VXN: variants seen among roughly 807,000 people sequenced by gnomAD.
VXN encodes uncharacterized protein C8orf46.
A neutral mutation model predicts 23.1 loss-of-function variants in VXN; 7 were observed. The ratio of observed to expected loss-of-function variants is 0.30; its 90% CI spans 0.17 to 0.57. The LOEUF (loss-of-function observed/expected upper bound fraction) is 0.57, where lower values mean the gene tolerates loss of function less well. Among genes scored for constraint, VXN ranks in the 20% least tolerant of loss-of-function variants. VXN has a pLI of 0.91. For missense variants in VXN, 238 were observed against 272.6 expected (o/e 0.87, Z 0.89); for synonymous variants, 120 against 105.8 (o/e 1.13, Z -0.83).
chr8:66,507,397 C>T (rs974884699), intron 3 of VXN, among the ~76,000 whole-genome samples: 11 of 152,214 alleles, frequency 7.2e-5, no homozygotes, highest in African/African-American at 2.7e-4. Context: ...GCCCCTCTGC[C>T]AATTTCCAGA....
At chr8:66,500,559 T>C (rs1010776380) in intron 2 of VXN, among the ~76,000 whole-genome samples, 2 of 152,312 alleles carry the variant, frequency 1.3e-5, no homozygotes, top group Non-Finnish European at 2.9e-5. Flanking sequence ...TTAGGGGGTA[T>C]GTGTGCAGGT....
At chr8:66,500,593 A>G (rs1299774027) in intron 2 of VXN, among the ~76,000 whole-genome samples, 1 of 152,082 alleles carries the variant, frequency 6.6e-6, no homozygotes, top group Non-Finnish European at 1.5e-5. Context: ...ATATTGCATG[A>G]TGCTGAGGTT....
intron 2 of VXN, 57 bp from the exon 3 acceptor site, chr8:66,505,318 A>C: frequency 6.4e-7 from 1 of 1,554,688 alleles, no homozygotes; most frequent in Non-Finnish European, 8.7e-7. Flanking sequence ...CTGGGGTTCC[A>C]TGGGTCCCTA....
At position 66,516,036 on chromosome 8, in the gene VXN, A is replaced by G. The variant is rs1807886102; in HGVS notation, c.584A>G (p.Glu195Gly). ...TGGACAAGGCACAAGAAGAAGTCTGAATATGTGGGAGCCACCAACAGCGCC... is the reference window on the plus strand; with the variant it reads ...TGGACAAGGCACAAGAAGAAGTCTGGATATGTGGGAGCCACCAACAGCGCC... ...KMWTRHKKKS[E>G]YVGATNSAFE... Residue 195 changes from glutamate to glycine, a missense_variant, in exon 6 of 6, where the codon GAA (glutamate) becomes GGA (glycine). Physicochemically the swap from Glu to Gly is moderately conservative, Grantham distance 98. Coordinates refer to ENST00000305454, the MANE Select transcript of VXN (RefSeq NM_152765.4). The G allele has an allele frequency of 1.2e-6, 2 of 1,613,206 alleles. No individual in the cohort carries two copies. The highest frequency in any genetic ancestry group is 2.2e-5 in the East Asian group (1 of 44,830).
intron 5 of VXN, among the ~76,000 whole-genome samples, chr8:66,515,526 T>C (rs1340492566): frequency 2.6e-5 from 4 of 152,200 alleles, no homozygotes; most frequent in African/African-American, 9.6e-5. Context: ...ATCCCAGACC[T>C]CATGCTCTTT....
intron 3 of VXN, among the ~76,000 whole-genome samples, chr8:66,506,232 AGT>A (rs61613088): frequency 0.18 from 25,295 of 140,002 alleles, 2,208 homozygotes; most frequent in African/African-American, 0.22. Context: ...AGAGAGAGAC[AGT>A]GTGTGTGTGT....
Position 66,505,312 on chromosome 8 carries a change from G to T in VXN, c.127-63G>T, listed in dbSNP as rs1586518915. On this transcript the variant is annotated intron_variant, in intron 2 of 5. Coordinates refer to ENST00000305454, the MANE Select transcript of VXN (RefSeq NM_152765.4). Reference sequence around the variant, plus strand: ...TCCATCTGCAAAGCTCCTGCCCTGGGGTTCCATGGGTCCCTAGGCCCGAGC... The same window carrying T: ...TCCATCTGCAAAGCTCCTGCCCTGGTGTTCCATGGGTCCCTAGGCCCGAGC... 5 of 1,550,556 alleles carry T rather than the reference G, an allele frequency of 3.2e-6. No individual in the cohort carries two copies. The East Asian group carries it at 7.2e-5, about 22-fold the overall frequency.
chr8:66,504,306 A>T (rs1807723007), intron 2 of VXN, among the ~76,000 whole-genome samples: 1 of 152,122 alleles, frequency 6.6e-6, no homozygotes, highest in South Asian at 2.1e-4. Context: ...GTGGGTCTGA[A>T]AACTCCACAG....
intron 4 of VXN, among the ~76,000 whole-genome samples, chr8:66,512,487 T>G (rs994007274): frequency 6.6e-6 from 1 of 152,118 alleles, no homozygotes; most frequent in Admixed American, 6.5e-5. Context: ...TGGATAGGGC[T>G]TAGGGGGAAG....
At chr8:66,501,034 A>G (rs10092120) in intron 2 of VXN, among the ~76,000 whole-genome samples, 30,956 of 151,794 alleles carry the variant, frequency 0.2, 3,496 homozygotes, top group African/African-American at 0.29. Flanking sequence ...CATCAGGCCC[A>G]GCTAATTTTT....
intron 4 of VXN, among the ~76,000 whole-genome samples, chr8:66,511,353 C>T (rs945170146): frequency 2.6e-5 from 4 of 152,222 alleles, no homozygotes; most frequent in Admixed American, 6.5e-5. Context: ...AGTTATTGTG[C>T]CAGGCCCTCA....
At chr8:66,510,002 T>C (rs1459871771) in intron 3 of VXN, 94 bp from the exon 4 acceptor site, 11 of 1,193,142 alleles carry the variant, frequency 9.2e-6, no homozygotes, top group African/African-American at 3.0e-5. Context: ...TTCCCTGGCG[T>C]GGTTGATTGG....
chr8:66,502,226 C>T (rs1807699511), intron 2 of VXN, among the ~76,000 whole-genome samples: 2 of 152,102 alleles, frequency 1.3e-5, no homozygotes, highest in Non-Finnish European at 2.9e-5. Context: ...TTTGACCATC[C>T]TGATGCCCAC....
chr8:66,500,168 A>G (rs141100916), intron 2 of VXN, among the ~76,000 whole-genome samples: 2 of 152,270 alleles, frequency 1.3e-5, no homozygotes, highest in East Asian at 3.9e-4. Context: ...TTTTTCTATT[A>G]AACAATGCCA....
chr8:66,496,577 G>A (rs1807628993), intron 2 of VXN, 85 bp downstream of exon 2: 2 of 1,244,580 alleles, frequency 1.6e-6, no homozygotes, highest in African/African-American at 1.5e-5. Context: ...TCGCTCCCCA[G>A]CTCTCAGTGG....
chr8:66,515,251 A>G (rs1807874198), intron 5 of VXN, among the ~76,000 whole-genome samples: 1 of 152,192 alleles, frequency 6.6e-6, no homozygotes. Flanking sequence ...AAACTCAGTC[A>G]TTGTCATTTC....
Position 66,493,690 on chromosome 8 carries a change from A to C in VXN, c.42A>C (p.Glu14Asp). 3 of 1,613,408 alleles carry C rather than the reference A, an allele frequency of 1.9e-6. No homozygotes were observed. The highest frequency in any genetic ancestry group is 1.7e-6 in the Non-Finnish European group (2 of 1,179,934). ...ACAGCTGCAGTGACGAGAACATAGA[A>C]GTTTTCACCACCGTGATTCCTTCCA... ...QIYSCSDENI[E>D]VFTTVIPSKV... Residue 14 changes from glutamate to aspartate, a missense_variant, in exon 1 of 6, where the codon GAA becomes GAC. By Grantham distance (45) the Glu-to-Asp change is conservative. Around this residue, in one of 2 missense-constraint regions of VXN, gnomAD observed 15 missense variants for 35.7 expected, o/e 0.42. Transcript: ENST00000305454.
At position 66,510,090 on chromosome 8, in the gene VXN, T is replaced by C; in HGVS notation, c.281-6T>C. 1.2e-6 allele frequency: 2 copies of C among 1,613,428 alleles called. No individual in the cohort carries two copies. Among genetic ancestry groups the C allele is most frequent in the East Asian group, 2.2e-5 (1 of 44,878 alleles). On this transcript the variant is annotated splice_region_variant and splice_polypyrimidine_tract_variant and intron_variant, in intron 3 of 5. Coordinates refer to ENST00000305454, the MANE Select transcript of VXN (RefSeq NM_152765.4). The stretch of plus-strand genomic sequence containing the variant: ...TGAGTAATATCTCCTCTGTTCAACA[T>C]TGCAGTGGGGATTTCTGAACCCAAA...
chr8:66,503,795 G>A (rs1433036485), intron 2 of VXN, among the ~76,000 whole-genome samples: 1 of 152,194 alleles, frequency 6.6e-6, no homozygotes, highest in Non-Finnish European at 1.5e-5. Flanking sequence ...AAACCAGGCT[G>A]TCAGGAGCCT....
Sources: allele counts gnomAD v4.1 joint callset (sites outside exome capture counted in the v4.1 genomes callset), GRCh38; gene constraint gnomAD v4.1.1; regional missense constraint gnomAD v4.1.1; transcripts MANE v1.5; gene names NCBI Gene and HGNC (gene_info 2026-07-23, HGNC 2026-07-21).